USH2A: variants seen among roughly 807,000 people sequenced by gnomAD.
The protein encoded by USH2A is usherin.
USH2A carries 443 observed loss-of-function variants against 538.9 expected under a neutral mutation model. The ratio of observed to expected loss-of-function variants is 0.82; its 90% CI spans 0.76 to 0.89. The LOEUF is 0.89. Among genes scored for constraint, USH2A ranks in the 40% least tolerant of loss-of-function variants. The pLI, the probability that USH2A is intolerant of heterozygous loss-of-function variation, is 0.00. For missense variants in USH2A, 6,633 were observed against 6,324.8 expected (o/e 1.05, Z -1.65); for synonymous variants, 2,413 against 2,273.5 (o/e 1.06, Z -1.75).
At chr1:216,044,749 T>C (rs896017101) in intron 32 of USH2A, among the ~76,000 whole-genome samples, 3 of 152,162 alleles carry the variant, frequency 2.0e-5, no homozygotes, top group Non-Finnish European at 4.4e-5. Context: ...CTTGGGTTAG[T>C]ACCAAAGCCT....
chr1:215,796,966 G>T (rs1292311324), intron 50 of USH2A, among the ~76,000 whole-genome samples: 2 of 152,168 alleles, frequency 1.3e-5, no homozygotes, highest in Non-Finnish European at 2.9e-5. Flanking sequence ...TATAAGGTAT[G>T]TGAGAATGAT....
chr1:216,322,679 ATTT>A (rs1169075335), intron 8 of USH2A, among the ~76,000 whole-genome samples: 1 of 152,076 alleles, frequency 6.6e-6, no homozygotes, highest in African/African-American at 2.4e-5. Context: ...ACATATTTCA[ATTT>A]TTTTATTTTT....
chr1:216,394,216 T>G (rs189634401), intron 3 of USH2A, among the ~76,000 whole-genome samples: 89 of 152,290 alleles, frequency 5.8e-4, no homozygotes, highest in African/African-American at 2.0e-3. Context: ...TAATCTGACA[T>G]TTTGCTGGTG....
chr1:216,113,572 G>A (rs200706166), intron 21 of USH2A, among the ~76,000 whole-genome samples: 4 of 152,040 alleles, frequency 2.6e-5, no homozygotes, highest in Admixed American at 1.3e-4. Flanking sequence ...AACTTTCATC[G>A]TAGTTCTTCA....
intron 61 of USH2A, among the ~76,000 whole-genome samples, chr1:215,689,246 T>A (rs1658524391): frequency 6.6e-6 from 1 of 152,192 alleles, no homozygotes; most frequent in Non-Finnish European, 1.5e-5. Flanking sequence ...GGAATACACA[T>A]TTGAGGGTCC....
At chr1:215,724,918 T>C (rs1659766746) in intron 61 of USH2A, among the ~76,000 whole-genome samples, 1 of 152,186 alleles carries the variant, frequency 6.6e-6, no homozygotes, top group Non-Finnish European at 1.5e-5. Flanking sequence ...GGAGAAGTCA[T>C]GCTGCTCTGA....
chr1:215,947,574 G>A (rs74798805), intron 37 of USH2A, among the ~76,000 whole-genome samples: 2,353 of 152,214 alleles, frequency 0.015, 58 homozygotes, highest in African/African-American at 0.052. Flanking sequence ...AAGAGATGGA[G>A]GTGAAACTTT....
chr1:216,279,120 C>T (rs1037006743), intron 11 of USH2A, among the ~76,000 whole-genome samples: 7 of 152,068 alleles, frequency 4.6e-5, no homozygotes, highest in Non-Finnish European at 8.8e-5. Context: ...TGTTCTGTTG[C>T]TATTACAGTA....
At chr1:216,142,754 T>C (rs1331195324) in intron 21 of USH2A, among the ~76,000 whole-genome samples, 1 of 152,220 alleles carries the variant, frequency 6.6e-6, no homozygotes, top group African/African-American at 2.4e-5. Context: ...AGATTGAATT[T>C]GTTTTCATCT....
intron 3 of USH2A, among the ~76,000 whole-genome samples, chr1:216,401,438 G>T (rs751583922): frequency 1.6e-4 from 25 of 151,988 alleles, no homozygotes; most frequent in Admixed American, 1.3e-4. Context: ...TAGCATATCA[G>T]TAAGAATCTC....
intron 21 of USH2A, among the ~76,000 whole-genome samples, chr1:216,140,360 A>T (rs181591522): frequency 5.8e-4 from 88 of 152,174 alleles, no homozygotes; most frequent in African/African-American, 2.0e-3. Flanking sequence ...AAAATATTGT[A>T]CCTCCTAGAC....
intron 21 of USH2A, among the ~76,000 whole-genome samples, chr1:216,118,344 C>A (rs541833025): frequency 6.6e-6 from 1 of 152,170 alleles, no homozygotes; most frequent in Admixed American, 6.5e-5. Context: ...AAACATAAAG[C>A]TTCTAACTAG....
chr1:215,749,790 C>T (rs1466068138), intron 58 of USH2A, among the ~76,000 whole-genome samples: 1 of 152,158 alleles, frequency 6.6e-6, no homozygotes, highest in Non-Finnish European at 1.5e-5. Context: ...ACCAGTCGCA[C>T]AATGACAAGC....
chr1:216,408,070 G>C (rs2039425769), intron 3 of USH2A, among the ~76,000 whole-genome samples: 1 of 152,088 alleles, frequency 6.6e-6, no homozygotes, highest in African/African-American at 2.4e-5. Flanking sequence ...GCTATTGGCT[G>C]AGAAACCACC....
chr1:215,903,767 G>A (rs1665562887), intron 38 of USH2A, among the ~76,000 whole-genome samples: 3 of 152,082 alleles, frequency 2.0e-5, no homozygotes, highest in Admixed American at 6.6e-5. Context: ...GTGACAAATT[G>A]GGTGGATGAA....
At position 216,289,290 on chromosome 1, in the gene USH2A, A is replaced by G. The variant is rs1321779316; in HGVS notation, c.1961T>C (p.Leu654Pro). ...CTCAGAAAAACTCACCTGATCACAA[A>G]GAATGCTACCATTTCTAGTGCCAAC... is the stretch of plus-strand genomic sequence containing the variant. The part of the protein sequence containing the change: ...DTVGTRNGSI[L>P]CDQIGGQCNC... The change falls in exon 11 of 72, where the codon CTT becomes CCT. Residue 654 changes from leucine to proline, a missense_variant. By Grantham distance (98) the Leu-to-Pro change is moderately conservative. Transcript: ENST00000307340. 8.4e-5 allele frequency: 136 copies of G among 1,613,808 alleles called. 2 individuals are homozygous for G. The Admixed American group carries it at 2.2e-3, about 27-fold the overall frequency.
intron 47 of USH2A, among the ~76,000 whole-genome samples, chr1:215,836,509 TATATATATAATATATATTATA>T (rs1663515588): frequency 3.2e-5 from 1 of 31,234 alleles, no homozygotes; most frequent in African/African-American, 1.2e-4. Context: ...ATATATATTA[TATATATATAATATATATTATA>T]TATATATATA....
At chr1:216,113,991 T>C (rs1042552360) in intron 21 of USH2A, among the ~76,000 whole-genome samples, 1 of 151,688 alleles carries the variant, frequency 6.6e-6, no homozygotes, top group African/African-American at 2.4e-5. Context: ...CAAAATTGCT[T>C]TTTTTAGTAA....
chr1:216,085,606 T>C (rs911910391), intron 24 of USH2A, among the ~76,000 whole-genome samples: 1 of 152,076 alleles, frequency 6.6e-6, no homozygotes, highest in African/African-American at 2.4e-5. Context: ...AAATTGGTTA[T>C]TCATAATGGA....
Sources: allele counts gnomAD v4.1 joint callset (sites outside exome capture counted in the v4.1 genomes callset), GRCh38; gene constraint gnomAD v4.1.1; transcripts MANE v1.5; gene names NCBI Gene and HGNC (gene_info 2026-07-23, HGNC 2026-07-21).